Variants in LRP12 observed in about 807,000 individuals in gnomAD.
The protein encoded by LRP12 is low-density lipoprotein receptor-related protein 12.
A neutral mutation model predicts 66.0 loss-of-function variants in LRP12; 14 were observed. The ratio of observed to expected loss-of-function variants is 0.21; its 90% CI spans 0.14 to 0.33. The LOEUF (loss-of-function observed/expected upper bound fraction) is 0.33, where lower values mean the gene tolerates loss of function less well. Among genes scored for constraint, LRP12 ranks in the 10% least tolerant of loss-of-function variants. The pLI is 1.00. For synonymous variants in LRP12, 357 were observed against 359.1 expected, an observed-to-expected ratio of 0.99 and a Z score of 0.07; for missense variants, 889 against 1,053.4, an observed-to-expected ratio of 0.84 and a Z score of 2.16.
At chr8:104,541,827 A>G (rs1811482458) in intron 1 of LRP12, among the ~76,000 whole-genome samples, 1 of 151,960 alleles carries the variant, frequency 6.6e-6, no homozygotes, top group Non-Finnish European at 1.5e-5. Context: ...TTGTACCATG[A>G]CTCAGTACTT....
intron 1 of LRP12, among the ~76,000 whole-genome samples, chr8:104,544,820 C>T (rs1177616776): frequency 1.3e-5 from 2 of 152,136 alleles, no homozygotes; most frequent in African/African-American, 4.8e-5. Flanking sequence ...TAAGGAAATC[C>T]ACATATTTCC....
At chr8:104,565,860 C>CAA (rs35650042) in intron 1 of LRP12, among the ~76,000 whole-genome samples, 29 of 111,860 alleles carry the variant, frequency 2.6e-4, no homozygotes, top group South Asian at 9.1e-4. Flanking sequence ...GACTCCATCT[C>CAA]AAAAAAAAAA....
intron 2 of LRP12, among the ~76,000 whole-genome samples, chr8:104,516,795 C>A (rs955768503): frequency 2.0e-5 from 3 of 151,912 alleles, no homozygotes; most frequent in Non-Finnish European, 4.4e-5. Context: ...AGCTGTCTTA[C>A]AATTTGAGAT....
intron 1 of LRP12, among the ~76,000 whole-genome samples, chr8:104,548,093 GTATATAATTCTGTT>G (rs1811630308): frequency 1.9e-5 from 2 of 103,802 alleles, no homozygotes; most frequent in Admixed American, 1.3e-4. Context: ...ATTATATTTT[GTATATAATTCTGTT>G]ATATTATATT....
intron 1 of LRP12, among the ~76,000 whole-genome samples, chr8:104,568,472 G>A (rs187031807): frequency 3.3e-5 from 5 of 152,122 alleles, no homozygotes; most frequent in African/African-American, 1.2e-4. Context: ...ACACCATTAA[G>A]AAAGTAAAAG....
At chr8:104,534,251 T>C (rs564577312) in intron 1 of LRP12, among the ~76,000 whole-genome samples, 8 of 152,074 alleles carry the variant, frequency 5.3e-5, no homozygotes, top group Non-Finnish European at 1.2e-4. Flanking sequence ...TTTAAAATTA[T>C]GTATGTATAG....
intron 1 of LRP12, among the ~76,000 whole-genome samples, chr8:104,544,481 C>T (rs750126213): frequency 6.6e-5 from 10 of 152,104 alleles, no homozygotes; most frequent in African/African-American, 2.4e-5. Flanking sequence ...CTTTTCCTAG[C>T]GAGAGAGAAG....
rs1564129026 is a variant in LRP12 at position 104,497,211 on chromosome 8, G to T, written c.1341C>A (p.Asn447Lys). The change falls in exon 5 of 7, where the codon AAC (asparagine) becomes AAA (lysine). Residue 447 changes from asparagine to lysine, a missense_variant. By Grantham distance (94) the Asn-to-Lys change is moderately conservative. Around this residue, in one of 3 missense-constraint regions of LRP12, gnomAD observed 800 missense variants for 964.5 expected, o/e 0.83. Transcript: ENST00000276654. The surrounding 1 kb of genome is among the most constrained non-coding windows in gnomAD (Gnocchi z 4.3). ...AATTTCCTGGTTGGCAAAAAAAGCA[G>T]TTTTTTTCATCTGAGCCATTTGGGC... The part of the protein sequence containing the change: ...NHCPNGSDEK[N>K]CFFCQPGNFH... 3 of 1,612,052 alleles carry T rather than the reference G, an allele frequency of 1.9e-6. No individual in the cohort carries two copies. The highest frequency in any genetic ancestry group is 2.5e-6 in the Non-Finnish European group (3 of 1,179,022).
At chr8:104,555,351 C>T (rs1258467570) in intron 1 of LRP12, among the ~76,000 whole-genome samples, 1 of 152,104 alleles carries the variant, frequency 6.6e-6, no homozygotes, top group Non-Finnish European at 1.5e-5. Flanking sequence ...TGGCCTAAAT[C>T]CTCCACTTAG....
intron 1 of LRP12, among the ~76,000 whole-genome samples, chr8:104,549,495 C>A (rs915843740): frequency 6.6e-6 from 1 of 151,052 alleles, no homozygotes; most frequent in African/African-American, 2.4e-5. Flanking sequence ...CTCTGCCTCC[C>A]GGGTTCATGC....
chr8:104,578,310 T>A (rs1410879365), intron 1 of LRP12, among the ~76,000 whole-genome samples: 2 of 152,116 alleles, frequency 1.3e-5, no homozygotes, highest in African/African-American at 2.4e-5. Flanking sequence ...GATAAATTAC[T>A]GGACACATAC....
intron 2 of LRP12, among the ~76,000 whole-genome samples, chr8:104,513,999 A>C (rs1811036966): frequency 6.6e-6 from 1 of 152,184 alleles, no homozygotes; most frequent in Non-Finnish European, 1.5e-5. Flanking sequence ...CATCTCAGGC[A>C]GCATTTGTTT....
rs1273945083 is a variant in LRP12, at chr8:104,490,508, T to C, written c.*165A>G. The C allele has an allele frequency of 4.7e-5, 32 of 688,128 alleles. No homozygotes were observed. The highest frequency in any genetic ancestry group is 6.4e-5 in the Non-Finnish European group (27 of 423,998). The allele number at this position is 688,128 out of a possible 1,614,324, so 42.6% of individuals were successfully genotyped here. ...GCTAAAATAGTAAACTCTAAGTTCA[T>C]AGAGTTACAAGTTGTCGAATTTAAC... On this transcript the variant is annotated 3_prime_UTR_variant, in exon 7 of 7. Transcript: ENST00000276654.
intron 1 of LRP12, among the ~76,000 whole-genome samples, chr8:104,548,207 ATTTATAT>A (rs1564141902): frequency 1.9e-4 from 18 of 96,042 alleles, no homozygotes; most frequent in African/African-American, 9.7e-4. Context: ...TATATGATAT[ATTTATAT>A]TAATATATGA....
In LRP12 at chr8:104,501,965, A is replaced by G. The variant is rs1452999805; in HGVS notation, c.273-2446T>C. Among the ~76,000 whole-genome samples the G allele has an allele frequency of 6.6e-5, 10 of 152,284 alleles. No homozygotes were observed. The East Asian group carries it at 1.7e-3, about 26-fold the overall frequency. On this transcript the variant is annotated intron_variant, in intron 3 of 6. Transcript: ENST00000276654. ...AGTATTTCAGAGTTTTAGTTTTTAC[A>G]TTTATAGCTGAGATTTATATAAATT...
At chr8:104,554,062 T>A (rs1382666036) in intron 1 of LRP12, among the ~76,000 whole-genome samples, 3 of 152,012 alleles carry the variant, frequency 2.0e-5, no homozygotes, top group Admixed American at 2.0e-4. Context: ...TCAGGAATAC[T>A]ACGGGAAGGG....
chr8:104,553,616 C>T (rs2140882345), intron 1 of LRP12, among the ~76,000 whole-genome samples: 1 of 152,308 alleles, frequency 6.6e-6, no homozygotes, highest in African/African-American at 2.4e-5. Flanking sequence ...TGAGCTCGGC[C>T]ACACCTAACC....
rs191795913 is a variant in LRP12 at position 104,565,426 on chromosome 8, A to G, written c.79+23393T>C. On this transcript the variant is annotated intron_variant, in intron 1 of 6. Transcript: ENST00000276654. ...TATGAGAACCAAAATGTTTAACGTA[A>G]AAGTTACAAAAGGATAAAATAACAT... Among the ~76,000 whole-genome samples the G allele has an allele frequency of 5.9e-5, 9 of 152,344 alleles. No homozygotes were observed. In the East Asian group the frequency reaches 1.7e-3, roughly 29 times the overall value.
In LRP12 at chr8:104,497,225, A is replaced by G; in HGVS notation, c.1327T>C (p.Ser443Pro). The G allele has an allele frequency of 6.2e-7, 1 of 1,613,264 alleles. No homozygotes were observed. Among genetic ancestry groups the G allele is most frequent in the Non-Finnish European group, 8.5e-7 (1 of 1,179,664 alleles). Residue 443 changes from serine (S) to proline (P), a missense_variant, in exon 5 of 7, where the codon TCA becomes CCA. Around this residue, in one of 3 missense-constraint regions of LRP12, gnomAD observed 800 missense variants for 964.5 expected, o/e 0.83. Transcript: ENST00000276654. The surrounding 1 kb of genome is among the most constrained non-coding windows in gnomAD (Gnocchi z 4.3). Reference protein sequence around the residue: ...CNYQNHCPNGSDEKNCFFCQP... With the variant: ...CNYQNHCPNGPDEKNCFFCQP... The stretch of plus-strand genomic sequence containing the variant: ...CAAAAAAAGCAGTTTTTTTCATCTG[A>G]GCCATTTGGGCAATGATTCTGGTAG...
Sources: allele counts gnomAD v4.1 joint callset (sites outside exome capture counted in the v4.1 genomes callset), GRCh38; gene constraint gnomAD v4.1.1; regional missense constraint gnomAD v4.1.1; non-coding constraint Gnocchi (gnomAD v3.1); transcripts MANE v1.5; gene names NCBI Gene and HGNC (gene_info 2026-07-23, HGNC 2026-07-21).